The following PCDHA10 variants were observed in gnomAD, a reference collection of about 807,000 sequenced individuals.
PCDHA10 encodes the protein protocadherin alpha-10.
Under a neutral mutation model 61.2 loss-of-function variants are expected in PCDHA10, and 45 were observed. The observed-to-expected ratio is 0.74, with a 90% CI of 0.58 to 0.94. PCDHA10 has a LOEUF of 0.94. Ranked by LOEUF, PCDHA10 falls within the 40% of genes least tolerant of loss-of-function variation. The pLI is 0.00. For missense variants in PCDHA10, 1,278 were observed against 1,236.2 expected (o/e 1.03, Z -0.51); for synonymous variants, 602 against 548.8 (o/e 1.10, Z -1.35).
At chr5:140,968,716 T>C (rs1554230993) in intron 1 of PCDHA10, 2 of 1,614,058 alleles carry the variant, frequency 1.2e-6, no homozygotes, top group Admixed American at 1.7e-5. Flanking sequence ...AGATGGGAGA[T>C]GAGAGTGGTA....
intron 1 of PCDHA10, chr5:140,883,738 C>T (rs149972776): frequency 2.5e-5 from 41 of 1,613,276 alleles, no homozygotes; most frequent in Non-Finnish European, 3.3e-5. Flanking sequence ...ACGCGCTGGT[C>T]TCCTACTCGC....
chr5:140,885,122 T>A (rs191806335), intron 1 of PCDHA10, among the ~76,000 whole-genome samples: 1 of 152,332 alleles, frequency 6.6e-6, no homozygotes, highest in African/African-American at 2.4e-5. Context: ...AGTGCACTTT[T>A]CTTTCTTTCT....
chr5:140,876,185 A>AC (rs782573528), intron 1 of PCDHA10: 1 of 1,613,986 alleles, frequency 6.2e-7, no homozygotes, highest in East Asian at 2.2e-5. Context: ...GTGAATGACA[A>AC]TGGTCCGGCG....
In PCDHA10 at chr5:140,857,039, G is replaced by A; in HGVS notation, c.991G>A (p.Gly331Ser). ...VTDKGNPPMV[G>S]HCTVLVELLD... is the part of the protein sequence containing the mutation. ...AGATAAGGGAAACCCACCTATGGTT[G>A]GTCACTGCACGGTCCTAGTGGAACT... The change falls in exon 1 of 4, where the codon GGT becomes AGT. Residue 331 changes from glycine (G) to serine (S), a missense_variant. By Grantham distance (56) the Gly-to-Ser change is moderately conservative. Transcript: ENST00000307360. 6.3e-7 allele frequency: 1 copy of A among 1,595,752 alleles called. No individual in the cohort carries two copies. Among genetic ancestry groups the A allele is most frequent in the Non-Finnish European group, 8.6e-7 (1 of 1,165,530 alleles).
chr5:140,884,555 G>C, intron 1 of PCDHA10: 1 of 1,614,098 alleles, frequency 6.2e-7, no homozygotes, highest in Non-Finnish European at 8.5e-7. Context: ...CTCTGGGGAG[G>C]GCCCGCATAA....
At chr5:140,877,810 C>A (rs782370638) in intron 1 of PCDHA10, 9 of 1,610,248 alleles carry the variant, frequency 5.6e-6, no homozygotes, top group Non-Finnish European at 6.8e-6. Flanking sequence ...TCAGCTGTCT[C>A]GAGAAGATTG....
intron 1 of PCDHA10, among the ~76,000 whole-genome samples, chr5:140,971,815 A>G (rs988959952): frequency 3.2e-4 from 49 of 152,166 alleles, no homozygotes; most frequent in African/African-American, 1.1e-3. Flanking sequence ...TATTGAATAC[A>G]TATATGATTT....
intron 1 of PCDHA10, among the ~76,000 whole-genome samples, chr5:140,934,475 A>G (rs1554209923): frequency 6.6e-6 from 1 of 152,172 alleles, no homozygotes; most frequent in African/African-American, 2.4e-5. Context: ...ATTATTTTGA[A>G]AATTATATTC....
chr5:140,876,587 T>C (rs201129017), intron 1 of PCDHA10: 1 of 1,614,208 alleles, frequency 6.2e-7, no homozygotes, highest in African/African-American at 1.3e-5. Context: ...ATTGCCCTGA[T>C]TAGCGTGTCG....
chr5:140,876,194 C>G (rs782432614), intron 1 of PCDHA10: 38 of 1,613,742 alleles, frequency 2.4e-5, no homozygotes, highest in Non-Finnish European at 2.9e-5. Context: ...AATGGTCCGG[C>G]GTTTGATAAG....
intron 1 of PCDHA10, among the ~76,000 whole-genome samples, chr5:140,942,287 G>A (rs1468201947): frequency 1.3e-5 from 2 of 152,102 alleles, no homozygotes; most frequent in African/African-American, 4.8e-5. Context: ...GCTCATGCCT[G>A]TAATCCTAGC....
At chr5:140,999,454 A>G (rs1467435215) in intron 3 of PCDHA10, among the ~76,000 whole-genome samples, 1 of 152,206 alleles carries the variant, frequency 6.6e-6, no homozygotes, top group African/African-American at 2.4e-5. Context: ...CGTTCAACGA[A>G]TAAGTGGTGA....
intron 1 of PCDHA10, among the ~76,000 whole-genome samples, chr5:140,910,488 A>G (rs1195141583): frequency 2.0e-5 from 3 of 152,232 alleles, no homozygotes; most frequent in African/African-American, 7.2e-5. Flanking sequence ...CATACAGAGA[A>G]GAGCAATCAC....
Position 141,010,168 on chromosome 5 carries a change from C to T in PCDHA10, c.*231C>T. The T allele has an allele frequency of 6.4e-7, 1 of 1,561,094 alleles. No individual in the cohort carries two copies. On this transcript the variant is annotated 3_prime_UTR_variant, in exon 4 of 4. Coordinates refer to ENST00000307360, the MANE Select transcript of PCDHA10 (RefSeq NM_018901.4). Reference sequence around the variant, plus strand: ...TCTCCACTCTGGCTTGTTTTCAGAACCTAAAAAGCAGACCCAAGTTTCCTT... The same window carrying T: ...TCTCCACTCTGGCTTGTTTTCAGAATCTAAAAAGCAGACCCAAGTTTCCTT...
chr5:140,869,384 A>G, intron 1 of PCDHA10: 1 of 1,614,120 alleles, frequency 6.2e-7, no homozygotes, highest in South Asian at 1.1e-5. Context: ...GACCGCGAGG[A>G]GCTGTGCGGG....
intron 1 of PCDHA10, chr5:140,870,060 A>G (rs2051623081): frequency 6.2e-7 from 1 of 1,613,776 alleles, no homozygotes; most frequent in African/African-American, 1.3e-5. Flanking sequence ...AAATTGAAGT[A>G]CAGGCTACAG....
intron 1 of PCDHA10, chr5:140,861,935 C>T (rs2047149357): frequency 6.5e-6 from 1 of 153,898 alleles, no homozygotes; most frequent in Admixed American, 6.5e-5. Flanking sequence ...TGATGATGCC[C>T]AGTGTTTGAC....
At chr5:140,899,158 T>G (rs1285542285) in intron 1 of PCDHA10, among the ~76,000 whole-genome samples, 1 of 152,188 alleles carries the variant, frequency 6.6e-6, no homozygotes, top group African/African-American at 2.4e-5. Context: ...TGACTTCCTC[T>G]TTTCCTAATT....
At chr5:140,875,430 C>G in intron 1 of PCDHA10, 1 of 1,557,170 alleles carries the variant, frequency 6.4e-7, no homozygotes. Context: ...CAAGCGATCC[C>G]TTAAAACTGA....
Sources: allele counts gnomAD v4.1 joint callset (sites outside exome capture counted in the v4.1 genomes callset), GRCh38; gene constraint gnomAD v4.1.1; transcripts MANE v1.5; gene names NCBI Gene and HGNC (gene_info 2026-07-23, HGNC 2026-07-21).